Variants in RPS6KA5 observed in about 807,000 individuals in gnomAD.
RPS6KA5 encodes the protein ribosomal protein S6 kinase A5, also known as ribosomal protein S6 kinase alpha-5.
Under a neutral mutation model 85.5 loss-of-function variants are expected in RPS6KA5, and 27 were observed. The observed-to-expected ratio is 0.32, with a 90% confidence interval of 0.23 to 0.44. RPS6KA5 has a LOEUF of 0.44. Ranked by LOEUF, RPS6KA5 falls within the 20% of genes least tolerant of loss-of-function variation. The probability of loss-of-function intolerance (pLI) is 1.00; values close to 1 mark genes in which losing one functional copy is unlikely to be tolerated. For synonymous variants in RPS6KA5, 334 were observed against 348.2 expected (o/e 0.96, Z 0.46); for missense variants, 811 against 980.9 (o/e 0.83, Z 2.31).
chr14:90,988,960 G>GA (rs1316584304), intron 2 of RPS6KA5, among the ~76,000 whole-genome samples: 65 of 152,164 alleles, frequency 4.3e-4, no homozygotes, highest in African/African-American at 1.5e-3. Flanking sequence ...TTTCTCACTT[G>GA]TTAAATTTTT....
intron 1 of RPS6KA5, among the ~76,000 whole-genome samples, chr14:91,048,609 C>A (rs1447488291): frequency 6.6e-6 from 1 of 152,112 alleles, no homozygotes; most frequent in Non-Finnish European, 1.5e-5. Flanking sequence ...TACACTTGAA[C>A]CGAGAGGGAC....
At chr14:90,900,053 A>T in intron 11 of RPS6KA5, 55 bp downstream of exon 11, 7 of 1,376,268 alleles carry the variant, frequency 5.1e-6, no homozygotes, top group Non-Finnish European at 6.8e-6. Flanking sequence ...ATATCTTTTA[A>T]TTTACAGAAT....
chr14:91,002,344 A>G (rs2040828174), intron 1 of RPS6KA5, among the ~76,000 whole-genome samples: 1 of 152,202 alleles, frequency 6.6e-6, no homozygotes, highest in African/African-American at 2.4e-5. Flanking sequence ...GGTAGTGAGT[A>G]TAAGGGTATT....
chr14:90,963,678 G>A (rs923330696), intron 3 of RPS6KA5, among the ~76,000 whole-genome samples: 10 of 152,102 alleles, frequency 6.6e-5, no homozygotes, highest in African/African-American at 2.2e-4. Context: ...GGGGCGATAC[G>A]ACACACTTTA....
chr14:90,882,955 G>A (rs983908662), intron 14 of RPS6KA5, among the ~76,000 whole-genome samples: 16 of 151,934 alleles, frequency 1.1e-4, no homozygotes, highest in African/African-American at 2.7e-4. Context: ...GTGCCACCAC[G>A]CCTGGCTAAT....
chr14:90,870,256 C>G lies in RPS6KA5; in HGVS notation c.*1818G>C, dbSNP rs2033014187. 6.6e-6 allele frequency: 1 copy of G among 152,054 alleles called. No individual in the cohort carries two copies. The highest frequency in any genetic ancestry group is 1.5e-5 in the Non-Finnish European group (1 of 68,006). The allele number at this position is 152,054 out of a possible 1,614,324, so 9.4% of individuals were successfully genotyped here. On this transcript the variant is annotated 3_prime_UTR_variant, in exon 17 of 17. Transcript: ENST00000614987. ...TTTTCTTGATTACTAGAGATCTGTG[C>G]CTGATGGAATCACATTTTGTGAATT...
intron 1 of RPS6KA5, among the ~76,000 whole-genome samples, chr14:91,012,109 T>C (rs534098643): frequency 1.3e-5 from 2 of 152,250 alleles, no homozygotes; most frequent in South Asian, 4.1e-4. Flanking sequence ...CTTTGAGACA[T>C]CAGTTCATCA....
chr14:90,924,225 T>C (rs922843350), intron 5 of RPS6KA5, among the ~76,000 whole-genome samples: 1 of 152,226 alleles, frequency 6.6e-6, no homozygotes, highest in Non-Finnish European at 1.5e-5. Context: ...CCTTGCCATC[T>C]TACCCAGTTC....
chr14:90,981,664 A>G (rs2039794961), intron 2 of RPS6KA5, among the ~76,000 whole-genome samples: 1 of 152,252 alleles, frequency 6.6e-6, no homozygotes, highest in Non-Finnish European at 1.5e-5. Flanking sequence ...CTATCAGACA[A>G]TGTCAGGGAA....
chr14:90,898,888 T>C (rs2140222884), intron 12 of RPS6KA5, among the ~76,000 whole-genome samples: 1 of 152,306 alleles, frequency 6.6e-6, no homozygotes, highest in African/African-American at 2.4e-5. Flanking sequence ...GCTTCCTATT[T>C]GTCCTTTAGC....
chr14:90,857,694 T>C lies in RPS6KA5; in HGVS notation c.*14380A>G, dbSNP rs1395290201. ...GCTAAAAATATTTATATAAAGAAGA[T>C]GTAATCATCTAAAAGATTCCAGTCT... On this transcript the variant is annotated 3_prime_UTR_variant, in exon 17 of 17. Transcript: ENST00000614987. The C allele has an allele frequency of 6.6e-6, 1 of 152,164 alleles. No individual in the cohort carries two copies. Among genetic ancestry groups the C allele is most frequent in the Non-Finnish European group, 1.5e-5 (1 of 68,024 alleles). The allele number at this position is 152,164 out of a possible 1,614,324, so 9.4% of individuals were successfully genotyped here. A position where few individuals can be genotyped will look rare whatever the true frequency, so the allele number is the denominator to read the frequency against.
rs1438615542 is a variant in RPS6KA5, at chr14:90,868,039, CT to C, written c.*4034del. 6.6e-6 allele frequency: 1 copy of C among 152,184 alleles called. No homozygotes were observed. Among genetic ancestry groups the C allele is most frequent in the African/African-American group, 2.4e-5 (1 of 41,444 alleles). 9.4% of individuals were successfully genotyped at this position (152,184 alleles called of 1,614,324 possible). On this transcript the variant is annotated 3_prime_UTR_variant, in exon 17 of 17. Transcript: ENST00000614987. ...ATGTTCTTAGCAAGATGTTGCCCCC[CT>C]GAAAATATGCTCCCCCAATAAAACA... is the stretch of plus-strand genomic sequence containing the variant.
intron 3 of RPS6KA5, among the ~76,000 whole-genome samples, chr14:90,976,853 T>C (rs2039593125): frequency 6.6e-6 from 1 of 152,074 alleles, no homozygotes; most frequent in Admixed American, 6.5e-5. Flanking sequence ...GCTCAAAAGG[T>C]GAATGCAATC....
rs946967363 is a variant in RPS6KA5 at position 90,879,893 on chromosome 14, C to T, written c.1837-4533G>A. On this transcript the variant is annotated intron_variant, in intron 14 of 16. Transcript: ENST00000614987. ...CTGCCTCCTGAGTTCAGGCAATTCT[C>T]CTGCCTCACTCTCTCAAGTAGCTGG... Among the ~76,000 whole-genome samples the T allele has an allele frequency of 6.0e-5, 9 of 151,174 alleles. No homozygotes were observed. In the East Asian group the frequency reaches 1.8e-3, roughly 29 times the overall value.
chr14:90,916,738 G>A (rs1377053008), intron 7 of RPS6KA5, among the ~76,000 whole-genome samples: 1 of 151,818 alleles, frequency 6.6e-6, no homozygotes, highest in African/African-American at 2.4e-5. Context: ...ATGACAAAGT[G>A]GATAATTAAT....
intron 1 of RPS6KA5, among the ~76,000 whole-genome samples, chr14:91,051,794 AT>A (rs2043093347): frequency 6.6e-6 from 1 of 150,422 alleles, no homozygotes; most frequent in South Asian, 2.1e-4. Flanking sequence ...TGGCCGAAAG[AT>A]TTAAAAAAAA....
At chr14:90,902,527 G>T (rs1441511903) in intron 9 of RPS6KA5, among the ~76,000 whole-genome samples, 1 of 152,052 alleles carries the variant, frequency 6.6e-6, no homozygotes, top group South Asian at 2.1e-4. Flanking sequence ...TAAAATAAAA[G>T]ATTATTGTAT....
chr14:91,004,160 A>T (rs2040905370), intron 1 of RPS6KA5, among the ~76,000 whole-genome samples: 1 of 152,084 alleles, frequency 6.6e-6, no homozygotes, highest in African/African-American at 2.4e-5. Context: ...ATCTCAGCTC[A>T]CTGCAAGCTC....
chr14:90,952,354 C>T (rs570756681), intron 3 of RPS6KA5, among the ~76,000 whole-genome samples: 20 of 152,334 alleles, frequency 1.3e-4, no homozygotes, highest in South Asian at 2.1e-4. Context: ...ATCTGGATAT[C>T]GGTAACTTTA....
Sources: gnomAD v4.1 joint callset for allele counts (sites outside exome capture counted in the v4.1 genomes callset) on GRCh38, gnomAD v4.1.1 for gene constraint, MANE v1.5 for transcripts, NCBI Gene and HGNC (gene_info 2026-07-23, HGNC 2026-07-21) for gene names.